Variants in RDH12 observed in about 807,000 individuals in gnomAD.
The protein encoded by RDH12 is all-trans and 9-cis retinol dehydrogenase.
Under a neutral mutation model 34.0 loss-of-function variants are expected in RDH12, and 21 were observed. That is an observed-to-expected ratio of 0.62 (90% CI 0.44 to 0.89). The LOEUF (loss-of-function observed/expected upper bound fraction) is 0.89, where lower values mean the gene tolerates loss of function less well. Ranked by LOEUF, RDH12 falls within the 40% of genes least tolerant of loss-of-function variation. RDH12 has a pLI of 0.00. For missense variants in RDH12, 394 were observed against 398.6 expected, an observed-to-expected ratio of 0.99 and a Z score of 0.10; for synonymous variants, 198 against 169.9, an observed-to-expected ratio of 1.17 and a Z score of -1.29.
chr14:67,716,196 CAAA>C (rs11446343), intron 1 of RDH12, among the ~76,000 whole-genome samples: 3 of 108,700 alleles, frequency 2.8e-5, no homozygotes, highest in Non-Finnish European at 1.9e-5. Flanking sequence ...GACTCCGTCT[CAAA>C]AAAAAAAAAA....
chr14:67,712,594 CT>C (rs2038022401), intron 1 of RDH12, among the ~76,000 whole-genome samples: 1 of 150,376 alleles, frequency 6.6e-6, no homozygotes, highest in African/African-American at 2.4e-5. Context: ...TGGATGTTAG[CT>C]TTTAATTAAG....
chr14:67,706,903 T>G (rs1364102585), intron 1 of RDH12, among the ~76,000 whole-genome samples: 1 of 152,178 alleles, frequency 6.6e-6, no homozygotes, highest in African/African-American at 2.4e-5. Flanking sequence ...AAGCTCATTT[T>G]TAGAAGGTTG....
chr14:67,712,129 A>G (rs370937489), intron 1 of RDH12, among the ~76,000 whole-genome samples: 1 of 152,084 alleles, frequency 6.6e-6, no homozygotes, highest in Non-Finnish European at 1.5e-5. Context: ...CATGTTGGCC[A>G]GGCTGGTCTT....
At chr14:67,707,340 C>A (rs1228457917) in intron 1 of RDH12, among the ~76,000 whole-genome samples, 1 of 152,192 alleles carries the variant, frequency 6.6e-6, no homozygotes, top group South Asian at 2.1e-4. Flanking sequence ...TTTCTCTCTC[C>A]AGTTTCCCAT....
At chr14:67,725,773 A>G (rs558480312) in intron 5 of RDH12, among the ~76,000 whole-genome samples, 3 of 152,330 alleles carry the variant, frequency 2.0e-5, no homozygotes, top group Admixed American at 2.0e-4. Flanking sequence ...ATGAATGAAC[A>G]ATGTCCAGGA....
intron 1 of RDH12, among the ~76,000 whole-genome samples, chr14:67,716,641 TG>T (rs1399248192): frequency 6.6e-6 from 1 of 152,172 alleles, no homozygotes. Flanking sequence ...CTCAGCACTT[TG>T]GGAGGCCAAG....
chr14:67,732,961 TA>T (rs1014701106), intron 8 of RDH12, among the ~76,000 whole-genome samples: 2 of 151,856 alleles, frequency 1.3e-5, no homozygotes, highest in South Asian at 2.1e-4. Context: ...AAAGGAACAT[TA>T]AAAACAAAAA....
chr14:67,706,545 C>T (rs1432259515), intron 1 of RDH12, among the ~76,000 whole-genome samples: 1 of 152,142 alleles, frequency 6.6e-6, no homozygotes, highest in African/African-American at 2.4e-5. Context: ...ATGGAATGGG[C>T]TTCCAGGTCA....
At chr14:67,725,049 T>C (rs773441491) in intron 4 of RDH12, 50 bp from the exon 5 acceptor site, 1 of 1,607,094 alleles carries the variant, frequency 6.2e-7, no homozygotes, top group Non-Finnish European at 8.5e-7. Context: ...CTATACCTCC[T>C]TTATAGCCTA....
chr14:67,727,610 G>A (rs1002684735), intron 7 of RDH12: 50 of 243,478 alleles, frequency 2.1e-4, no homozygotes, highest in Non-Finnish European at 2.5e-4. Flanking sequence ...AGCCTCTTGA[G>A]TAGTTGGGAT....
Position 67,725,221 on chromosome 14 carries a change from T to A in RDH12, c.310T>A (p.Ser104Thr). 7 of 1,613,792 alleles carry A rather than the reference T, an allele frequency of 4.3e-6. 1 individual carries two copies. The South Asian group carries it at 7.7e-5, about 18-fold the overall frequency. ...VRKLDLSDTK[S>T]IRAFAEGFLA... is the part of the protein sequence containing the mutation. ...GAAATTGGACCTATCCGACACCAAATCTATCCGAGCCTTTGCTGAGGGCTT... is the reference window on the plus strand; with the variant it reads ...GAAATTGGACCTATCCGACACCAAAACTATCCGAGCCTTTGCTGAGGGCTT... Residue 104 changes from serine (S) to threonine (T), a missense_variant, in exon 5 of 9, where the codon TCT becomes ACT. Coordinates refer to ENST00000551171, the MANE Select transcript of RDH12 (RefSeq NM_152443.3).
At position 67,727,039 on chromosome 14, in the gene RDH12, G is replaced by C. The variant is rs749207060; in HGVS notation, c.507G>C (p.Arg169=). Residue 169 remains arginine (R), a synonymous_variant, in exon 7 of 9, where the codon CGG becomes CGC. Transcript: ENST00000551171. The stretch of plus-strand genomic sequence containing the variant: ...GGCTAAAGGTGTCTGCCCCTGCACG[G>C]GTGGTTAATGTGTCCTCGGTGGCTC... ...LERLKVSAPA[R]VVNVSSVAHH... 3 of 1,613,858 alleles carry C rather than the reference G, an allele frequency of 1.9e-6. No individual in the cohort carries two copies. Among genetic ancestry groups the C allele is most frequent in the Non-Finnish European group, 1.7e-6 (2 of 1,180,044 alleles).
At chr14:67,719,093 G>A (rs1370461828) in intron 1 of RDH12, among the ~76,000 whole-genome samples, 1 of 152,206 alleles carries the variant, frequency 6.6e-6, no homozygotes, top group African/African-American at 2.4e-5. Context: ...GGAGAAGGAA[G>A]GGGGACTCCT....
intron 3 of RDH12, among the ~76,000 whole-genome samples, chr14:67,724,259 C>A (rs1216269058): frequency 6.6e-6 from 1 of 152,194 alleles, no homozygotes; most frequent in East Asian, 1.9e-4. Context: ...GGCTTCTGGG[C>A]AAGTGATCTT....
chr14:67,733,633 TCTGG>T, intron 8 of RDH12, 109 bp from the exon 9 acceptor site: 3 of 714,740 alleles, frequency 4.2e-6, no homozygotes, highest in Non-Finnish European at 7.5e-6. Context: ...TTTCTTTGAG[TCTGG>T]CATATATTGT....
intron 1 of RDH12, among the ~76,000 whole-genome samples, chr14:67,705,266 C>T (rs1021467515): frequency 6.6e-6 from 1 of 152,210 alleles, no homozygotes; most frequent in African/African-American, 2.4e-5. Flanking sequence ...TCCTTGGCTA[C>T]AGATGACAAC....
intron 1 of RDH12, among the ~76,000 whole-genome samples, chr14:67,719,491 T>C (rs1408229516): frequency 6.6e-6 from 1 of 152,162 alleles, no homozygotes; most frequent in Non-Finnish European, 1.5e-5. Flanking sequence ...TTCTTTTTTT[T>C]AGAGACAGGG....
intron 1 of RDH12, among the ~76,000 whole-genome samples, chr14:67,705,678 A>G (rs974926979): frequency 2.6e-5 from 4 of 152,206 alleles, no homozygotes; most frequent in African/African-American, 9.6e-5. Context: ...TTCTAAGGTT[A>G]TTTAAAATGT....
chr14:67,717,306 A>G (rs2038079086), intron 1 of RDH12, among the ~76,000 whole-genome samples: 1 of 152,224 alleles, frequency 6.6e-6, no homozygotes, highest in South Asian at 2.1e-4. Context: ...TTTTTGAAGT[A>G]TATGTGTACA....
Sources: gnomAD v4.1 joint callset for allele counts (sites outside exome capture counted in the v4.1 genomes callset) on GRCh38, gnomAD v4.1.1 for gene constraint, MANE v1.5 for transcripts, NCBI Gene and HGNC (gene_info 2026-07-23, HGNC 2026-07-21) for gene names.